The following GNB1 variants were observed in gnomAD, a reference collection of about 807,000 sequenced individuals.
GNB1 encodes the protein guanine nucleotide-binding protein G(I)/G(S)/G(T) subunit beta-1.
A neutral mutation model predicts 42.9 loss-of-function variants in GNB1; 2 were observed. The observed-to-expected ratio is 0.05, with a 90% confidence interval of 0.02 to 0.15. GNB1 has a LOEUF of 0.15. Among genes scored for constraint, GNB1 ranks in the 10% least tolerant of loss-of-function variants. The pLI is 1.00. For synonymous variants in GNB1, 183 were observed against 174.7 expected, an observed-to-expected ratio of 1.05 and a Z score of -0.38; for missense variants, 193 against 462.2, an observed-to-expected ratio of 0.42 and a Z score of 5.34.
chr1:1,855,470 G>A (rs545722053), intron 1 of GNB1, among the ~76,000 whole-genome samples: 38 of 152,310 alleles, frequency 2.5e-4, no homozygotes, highest in African/African-American at 9.1e-4. Flanking sequence ...GGGAGGCCGA[G>A]GCGGGCGGAT....
chr1:1,827,502 G>A (rs1448167847), intron 2 of GNB1, among the ~76,000 whole-genome samples: 2 of 152,220 alleles, frequency 1.3e-5, no homozygotes, highest in Non-Finnish European at 2.9e-5. Context: ...GTATGGACAA[G>A]GTCACACCTC....
chr1:1,801,823 G>GA (rs1646630417), intron 7 of GNB1, among the ~76,000 whole-genome samples: 2 of 152,136 alleles, frequency 1.3e-5, no homozygotes, highest in East Asian at 3.9e-4. Context: ...AAGGCGGGCA[G>GA]AAAAAACCAA....
chr1:1,888,730 C>G (rs781463888), intron 1 of GNB1, among the ~76,000 whole-genome samples: 1 of 152,022 alleles, frequency 6.6e-6, no homozygotes, highest in Non-Finnish European at 1.5e-5. Context: ...CCCAGCTACT[C>G]GGGAGGCTGA....
intron 1 of GNB1, chr1:1,890,363 C>A (rs1020538517): frequency 3.3e-5 from 5 of 151,138 alleles, no homozygotes; most frequent in African/African-American, 1.2e-4. Flanking sequence ...CTCAAAGTCA[C>A]CCCGATAGGC....
At chr1:1,873,767 A>G (rs1649376327) in intron 1 of GNB1, among the ~76,000 whole-genome samples, 1 of 152,148 alleles carries the variant, frequency 6.6e-6, no homozygotes, top group Non-Finnish European at 1.5e-5. Context: ...ACAGTGAGCC[A>G]AGATGGTGCC....
chr1:1,883,872 A>G (rs1649993467), intron 1 of GNB1, among the ~76,000 whole-genome samples: 1 of 152,024 alleles, frequency 6.6e-6, no homozygotes, highest in African/African-American at 2.4e-5. Context: ...CTCACTCCCT[A>G]GATTTTAGGA....
rs1646461023 is a variant in GNB1, at chr1:1,790,022, A to C, written c.699+373T>G. ...GTCTCCTCACAAGGCCAGGGGCTGG[A>C]AACACTGCCTAGCCATCCGCGTGCT... On this transcript the variant is annotated intron_variant, in intron 9 of 11. Coordinates refer to ENST00000378609, the MANE Select transcript of GNB1 (RefSeq NM_002074.5). The surrounding 1 kb of genome is among the most constrained non-coding windows in gnomAD (Gnocchi z 5.4). Among the ~76,000 whole-genome samples, 2 of 152,186 alleles carry C rather than the reference A, an allele frequency of 1.3e-5. No individual in the cohort carries two copies. The highest frequency in any genetic ancestry group is 1.3e-4 in the Admixed American group (2 of 15,264).
intron 10 of GNB1, chr1:1,788,469 AG>A (rs1646436422): frequency 6.5e-6 from 1 of 155,010 alleles, no homozygotes; most frequent in Admixed American, 6.3e-5. Flanking sequence ...GGGGAGAAAA[AG>A]AAATGTGTTT....
rs1049846656 is a variant in GNB1, at chr1:1,787,221, A to T, written c.*9+101T>A. On this transcript the variant is annotated intron_variant, in intron 11 of 11. Transcript: ENST00000378609. The surrounding 1 kb of genome is among the most constrained non-coding windows in gnomAD (Gnocchi z 4.4). ...CACAACACAATTCCAAATCAATGCT[A>T]CATCAACATTTATCTAGAAACCGTT... 20 of 710,576 alleles carry T rather than the reference A, an allele frequency of 2.8e-5. No homozygotes were observed. Among genetic ancestry groups the T allele is most frequent in the African/African-American group, 5.3e-5 (3 of 56,126 alleles). The allele number at this position is 710,576 out of a possible 1,614,324, so 44.0% of individuals were successfully genotyped here. A position where few individuals can be genotyped will look rare whatever the true frequency, so the allele number is the denominator to read the frequency against.
At chr1:1,887,714 C>G (rs991573343) in intron 1 of GNB1, among the ~76,000 whole-genome samples, 14 of 152,234 alleles carry the variant, frequency 9.2e-5, no homozygotes. Flanking sequence ...CTCCCGGGTT[C>G]AAGCGATTCC....
intron 1 of GNB1, among the ~76,000 whole-genome samples, chr1:1,845,821 CCATACACACACACACACACACA>C (rs1257711337): frequency 1.0e-5 from 1 of 96,230 alleles, no homozygotes; most frequent in African/African-American, 4.6e-5. Flanking sequence ...GTGTGTAAGT[CCATACACACACACACACACACA>C]CACACACACA....
chr1:1,819,420 C>T (rs969438532), intron 3 of GNB1, among the ~76,000 whole-genome samples: 1 of 152,036 alleles, frequency 6.6e-6, no homozygotes, highest in African/African-American at 2.4e-5. Flanking sequence ...GAGGTTTCAC[C>T]ATATTGGCCA....
chr1:1,830,044 A>C (rs1237015971), intron 2 of GNB1, among the ~76,000 whole-genome samples: 1 of 151,208 alleles, frequency 6.6e-6, no homozygotes, highest in Non-Finnish European at 1.5e-5. Context: ...CCGGCCCGCC[A>C]TCTTTTTTCT....
intron 8 of GNB1, among the ~76,000 whole-genome samples, chr1:1,792,488 C>T (rs1203996786): frequency 6.6e-6 from 1 of 151,656 alleles, no homozygotes. Context: ...ACGAGGTCAA[C>T]GGATAAGAGA....
intron 2 of GNB1, among the ~76,000 whole-genome samples, chr1:1,836,546 G>C (rs562210863): frequency 5.9e-5 from 9 of 151,622 alleles, no homozygotes; most frequent in Non-Finnish European, 1.0e-4. Context: ...CACACAACAC[G>C]ATGCCTGGCT....
chr1:1,846,224 G>A (rs1389032756), intron 1 of GNB1, among the ~76,000 whole-genome samples: 2 of 151,458 alleles, frequency 1.3e-5, no homozygotes, highest in African/African-American at 4.9e-5. Context: ...AAAAAAAAAA[G>A]AGGAAAAGCG....
intron 5 of GNB1, among the ~76,000 whole-genome samples, chr1:1,811,490 C>T (rs1321337585): frequency 6.6e-6 from 1 of 151,692 alleles, no homozygotes; most frequent in Non-Finnish European, 1.5e-5. Context: ...GTCATGAGAT[C>T]GAGACCACCC....
At chr1:1,842,737 A>T (rs931488903) in intron 1 of GNB1, among the ~76,000 whole-genome samples, 1 of 152,210 alleles carries the variant, frequency 6.6e-6, no homozygotes, top group Admixed American at 6.5e-5. Flanking sequence ...ACACATTGTA[A>T]ATGTACTAAA....
intron 1 of GNB1, among the ~76,000 whole-genome samples, chr1:1,872,815 C>A (rs965340844): frequency 7.1e-4 from 108 of 152,206 alleles, no homozygotes; most frequent in African/African-American, 2.5e-3. Flanking sequence ...GTTGCAACTT[C>A]TCGGTACTCA....
Sources: gnomAD v4.1 joint callset for allele counts (sites outside exome capture counted in the v4.1 genomes callset) on GRCh38, gnomAD v4.1.1 for gene constraint, Gnocchi (gnomAD v3.1) non-coding constraint, MANE v1.5 for transcripts, NCBI Gene and HGNC (gene_info 2026-07-23, HGNC 2026-07-21) for gene names.